The following ZNF609 variants were observed in gnomAD, a reference collection of about 807,000 sequenced individuals.
ZNF609 encodes zinc finger protein 609.
Under a neutral mutation model 109.5 loss-of-function variants are expected in ZNF609, and 11 were observed. The ratio of observed to expected loss-of-function variants is 0.10; its 90% CI spans 0.06 to 0.17. The LOEUF (loss-of-function observed/expected upper bound fraction) is 0.17. ZNF609 is among the 10% of genes least tolerant of loss of function. The pLI, the probability that ZNF609 is intolerant of heterozygous loss-of-function variation, is 1.00. For missense variants in ZNF609, 1,559 were observed against 1,772.4 expected (o/e 0.88, Z 2.16); for synonymous variants, 646 against 662.0 (o/e 0.98, Z 0.37).
intron 2 of ZNF609, among the ~76,000 whole-genome samples, chr15:64,597,299 A>G (rs181234453): frequency 2.4e-4 from 36 of 152,316 alleles, no homozygotes; most frequent in African/African-American, 7.9e-4. Flanking sequence ...TCAAAGCAAC[A>G]TGAAGGTCAG....
At chr15:64,612,272 C>T (rs182771478) in intron 2 of ZNF609, among the ~76,000 whole-genome samples, 1,823 of 151,802 alleles carry the variant, frequency 0.012, 16 homozygotes, top group Middle Eastern at 0.021. Context: ...CTCAGCCTCC[C>T]GAGTAGCTGG....
chr15:64,462,709 G>A (rs918125147), intron 1 of ZNF609, among the ~76,000 whole-genome samples: 2 of 152,146 alleles, frequency 1.3e-5, no homozygotes, highest in Non-Finnish European at 2.9e-5. Context: ...TGCCTATCTG[G>A]GCAAGGGCTG....
At chr15:64,665,156 C>T (rs1896628660) in intron 3 of ZNF609, among the ~76,000 whole-genome samples, 2 of 152,318 alleles carry the variant, frequency 1.3e-5, no homozygotes, top group African/African-American at 2.4e-5. Context: ...CAGGGCACTG[C>T]AAAGGGATAG....
intron 3 of ZNF609, among the ~76,000 whole-genome samples, chr15:64,665,249 A>G (rs1896629531): frequency 6.6e-6 from 1 of 152,200 alleles, no homozygotes; most frequent in African/African-American, 2.4e-5. Flanking sequence ...AGGTAACAGG[A>G]TATTCTAAGA....
chr15:64,556,156 A>G (rs1023074523), intron 2 of ZNF609, among the ~76,000 whole-genome samples: 1 of 147,332 alleles, frequency 6.8e-6, no homozygotes, highest in African/African-American at 2.5e-5. Flanking sequence ...CACCTGGCCA[A>G]TTTTTTTTTT....
chr15:64,519,127 G>C (rs1396773277), intron 2 of ZNF609, among the ~76,000 whole-genome samples: 2 of 141,402 alleles, frequency 1.4e-5, no homozygotes, highest in South Asian at 5.0e-4. Flanking sequence ...GGCGGGGGGC[G>C]GGGGGCGGGG....
chr15:64,551,980 T>A (rs1894487514), intron 2 of ZNF609, among the ~76,000 whole-genome samples: 1 of 123,108 alleles, frequency 8.1e-6, no homozygotes, highest in Admixed American at 7.9e-5. Context: ...AGTAAGACTC[T>A]GTCTCAAAAA....
chr15:64,674,452 G>T lies in ZNF609; in HGVS notation c.1598G>T (p.Ser533Ile). Residue 533 changes from serine (S) to isoleucine (I), a missense_variant, in exon 5 of 10, where the codon AGT becomes ATT. Ser to Ile is a moderately radical substitution (Grantham distance 142). This residue lies in a region of ZNF609 where 1,204 missense variants were observed against 1,314.1 expected (regional missense o/e 0.92). Coordinates refer to ENST00000326648, the MANE Select transcript of ZNF609 (RefSeq NM_015042.2). ...DDSKPEADGD[S>I]EYGEEPILHA... ...AGCAAGCCGGAAGCGGATGGGGACA[G>T]TGAGTACGGAGAGGAACCTATTCTC... The T allele has an allele frequency of 6.2e-7, 1 of 1,614,230 alleles. No homozygotes were observed. The highest frequency in any genetic ancestry group is 8.5e-7 in the Non-Finnish European group (1 of 1,180,056).
At chr15:64,564,182 A>T (rs1475108045) in intron 2 of ZNF609, among the ~76,000 whole-genome samples, 3 of 151,544 alleles carry the variant, frequency 2.0e-5, no homozygotes, top group Non-Finnish European at 4.4e-5. Flanking sequence ...CTACAAAGTT[A>T]GGCACTTCGT....
chr15:64,621,151 T>G (rs1003942527), intron 2 of ZNF609, among the ~76,000 whole-genome samples: 4 of 152,214 alleles, frequency 2.6e-5, no homozygotes, highest in African/African-American at 9.7e-5. Context: ...TCTTTGACTC[T>G]CATTTTCTAG....
At chr15:64,597,216 C>G (rs1041661489) in intron 2 of ZNF609, among the ~76,000 whole-genome samples, 1 of 152,128 alleles carries the variant, frequency 6.6e-6, no homozygotes, top group Non-Finnish European at 1.5e-5. Flanking sequence ...CTTTGAGTGC[C>G]TCTTTTTCTT....
At chr15:64,656,065 C>CT (rs1261577243) in intron 3 of ZNF609, among the ~76,000 whole-genome samples, 7 of 151,628 alleles carry the variant, frequency 4.6e-5, no homozygotes, top group Admixed American at 1.3e-4. Flanking sequence ...ACCTTATTTT[C>CT]TTTTTTTTCC....
In ZNF609 at chr15:64,675,415, A is replaced by T; in HGVS notation, c.2561A>T (p.Asp854Val). ...TCTGACATCTCTGATGCTGGGGAGG[A>T]TGGGGAGGGCAAGGTAGACAGTGTC... Reference protein sequence around the residue: ...AYSDISDAGEDGEGKVDSVKS... With the variant: ...AYSDISDAGEVGEGKVDSVKS... Residue 854 changes from aspartate (D) to valine (V), a missense_variant, in exon 5 of 10, where the codon GAT becomes GTT. Asp to Val is a radical substitution (Grantham distance 152). Around this residue, in one of 4 missense-constraint regions of ZNF609, gnomAD observed 1,204 missense variants for 1,314.1 expected, o/e 0.92. Transcript: ENST00000326648. 5 of 1,614,112 alleles carry T rather than the reference A, an allele frequency of 3.1e-6. No individual in the cohort carries two copies. Among genetic ancestry groups the T allele is most frequent in the Non-Finnish European group, 3.4e-6 (4 of 1,180,026 alleles).
intron 2 of ZNF609, among the ~76,000 whole-genome samples, chr15:64,560,371 T>G (rs1212340991): frequency 6.6e-6 from 1 of 151,930 alleles, no homozygotes; most frequent in Non-Finnish European, 1.5e-5. Flanking sequence ...AATTTGTTTT[T>G]TTTTTTCCCC....
intron 2 of ZNF609, among the ~76,000 whole-genome samples, chr15:64,556,579 CAA>C (rs1342995610): frequency 1.3e-5 from 2 of 152,062 alleles, no homozygotes; most frequent in Non-Finnish European, 2.9e-5. Flanking sequence ...ATCAGTTTCC[CAA>C]CCCTAATTAA....
chr15:64,536,298 A>G (rs1427774112), intron 2 of ZNF609, among the ~76,000 whole-genome samples: 1 of 152,184 alleles, frequency 6.6e-6, no homozygotes, highest in Non-Finnish European at 1.5e-5. Context: ...TTGGGATTAC[A>G]GGCATGCGCC....
intron 1 of ZNF609, among the ~76,000 whole-genome samples, chr15:64,463,412 A>G (rs1032484598): frequency 6.6e-6 from 1 of 152,024 alleles, no homozygotes; most frequent in Non-Finnish European, 1.5e-5. Context: ...AAAAAAAAAA[A>G]AAAAATTTGG....
chr15:64,569,073 C>T (rs1347605427), intron 2 of ZNF609, among the ~76,000 whole-genome samples: 1 of 152,212 alleles, frequency 6.6e-6, no homozygotes, highest in Non-Finnish European at 1.5e-5. Context: ...TCTTTTTCCA[C>T]TCCCTCTGAT....
At chr15:64,493,532 C>T (rs1893443203) in intron 1 of ZNF609, among the ~76,000 whole-genome samples, 1 of 151,998 alleles carries the variant, frequency 6.6e-6, no homozygotes, top group African/African-American at 2.4e-5. Context: ...CTATCTTGGT[C>T]CCTTAAACAT....
Sources: allele counts gnomAD v4.1 joint callset (sites outside exome capture counted in the v4.1 genomes callset), GRCh38; gene constraint gnomAD v4.1.1; regional missense constraint gnomAD v4.1.1; transcripts MANE v1.5; gene names NCBI Gene and HGNC (gene_info 2026-07-23, HGNC 2026-07-21).